The following POLH variants were observed in gnomAD, a reference collection of about 807,000 sequenced individuals.
POLH encodes the protein DNA polymerase eta transcript.
In POLH, 53 loss-of-function variants were observed where a neutral mutation model predicts 73.6. That is an observed-to-expected ratio of 0.72 (90% CI 0.58 to 0.91). The LOEUF (loss-of-function observed/expected upper bound fraction) is 0.91. Among genes scored for constraint, POLH ranks in the 40% least tolerant of loss-of-function variants. The probability of loss-of-function intolerance (pLI) is 0.00; values close to 1 mark genes in which losing one functional copy is unlikely to be tolerated. For missense variants in POLH, 768 were observed against 865.4 expected (o/e 0.89, Z 1.41); for synonymous variants, 292 against 308.5 (o/e 0.95, Z 0.56).
intron 1 of POLH, among the ~76,000 whole-genome samples, chr6:43,581,826 C>G (rs1344754213): frequency 1.3e-5 from 2 of 150,664 alleles, no homozygotes; most frequent in South Asian, 2.1e-4. Context: ...CCACCATGGC[C>G]GGACGGGCTC....
chr6:43,604,345 T>A (rs1767041887), intron 7 of POLH, among the ~76,000 whole-genome samples: 1 of 152,218 alleles, frequency 6.6e-6, no homozygotes, highest in Admixed American at 6.5e-5. Flanking sequence ...TTTTGGGATA[T>A]GAATCAGTGG....
At chr6:43,596,192 G>A (rs57833012) in intron 4 of POLH, among the ~76,000 whole-genome samples, 28,664 of 152,092 alleles carry the variant, frequency 0.19, 5,768 homozygotes, top group African/African-American at 0.51. Context: ...AGAGTTAAGG[G>A]GTAAGAGCTT....
At chr6:43,592,050 TTG>T (rs1171138798) in intron 4 of POLH, among the ~76,000 whole-genome samples, 1 of 152,184 alleles carries the variant, frequency 6.6e-6, no homozygotes, top group African/African-American at 2.4e-5. Context: ...TCTGTATGTC[TTG>T]TGTCTGTTGC....
chr6:43,597,619 A>C, intron 4 of POLH, 77 bp from the exon 5 acceptor site: 1 of 1,356,076 alleles, frequency 7.4e-7, no homozygotes, highest in Non-Finnish European at 1.0e-6. Context: ...CTGTAATCTA[A>C]GCATTTCTAC....
intron 4 of POLH, 95 bp from the exon 5 acceptor site, chr6:43,597,601 C>T: frequency 3.3e-6 from 4 of 1,210,710 alleles, no homozygotes; most frequent in Non-Finnish European, 4.8e-6. Context: ...ACTTATATGT[C>T]TAAATACCTG....
At chr6:43,582,926 A>G (rs1737458587) in intron 2 of POLH, 81 bp from the exon 3 acceptor site, 15 of 1,201,448 alleles carry the variant, frequency 1.2e-5, no homozygotes, top group Middle Eastern at 2.5e-4. Flanking sequence ...ATATGTTTAT[A>G]GATTACTTGT....
rs757516219 is a variant in POLH at position 43,582,442 on chromosome 6, A to G, written c.123A>G (p.Ser41=). ...CTTGTGCAGTTGTACAGTACAAATC[A>G]TGGAAGGGTGGTGGGTATGTATCAT... The part of the protein sequence containing the change: ...NKPCAVVQYK[S]WKGGGIIAVS... Residue 41 remains serine, a synonymous_variant, in exon 2 of 11, where the codon TCA becomes TCG. Coordinates refer to ENST00000372236, the MANE Select transcript of POLH (RefSeq NM_006502.3). 3 of 1,613,942 alleles carry G rather than the reference A, an allele frequency of 1.9e-6. No individual in the cohort carries two copies. The highest frequency in any genetic ancestry group is 2.5e-6 in the Non-Finnish European group (3 of 1,179,832).
chr6:43,600,260 A>G (rs530194082), intron 5 of POLH, among the ~76,000 whole-genome samples: 1 of 152,238 alleles, frequency 6.6e-6, no homozygotes, highest in South Asian at 2.1e-4. Context: ...TCTACCAAAA[A>G]TACAAAAATT....
chr6:43,599,953 G>A (rs1766542899), intron 5 of POLH, among the ~76,000 whole-genome samples: 1 of 151,986 alleles, frequency 6.6e-6, no homozygotes, highest in Non-Finnish European at 1.5e-5. Context: ...GAGGTTGGGA[G>A]TTCAAGACCA....
At position 43,576,291 on chromosome 6, in the gene POLH, CAG is replaced by C. The variant is rs376188104; in HGVS notation, c.-153_-152del. On this transcript the variant is annotated 5_prime_UTR_variant, in exon 1 of 11. Coordinates refer to ENST00000372236, the MANE Select transcript of POLH (RefSeq NM_006502.3). ...TCCCTTCTCGGTTTCTCCGTCGTCACAGGGAATAAATCTCGCTCGAAACTCAC... is the reference window on the plus strand; with the variant it reads ...TCCCTTCTCGGTTTCTCCGTCGTCACGGAATAAATCTCGCTCGAAACTCAC... The C allele has an allele frequency of 1.5e-4, 23 of 157,234 alleles. No homozygotes were observed. The highest frequency in any genetic ancestry group is 1.3e-3 in the East Asian group (7 of 5,360). 9.7% of individuals were successfully genotyped at this position (157,234 alleles called of 1,614,324 possible). A position where few individuals can be genotyped will look rare whatever the true frequency, so the allele number is the denominator to read the frequency against.
rs1768602307 is a variant in POLH, at chr6:43,619,926, T to G, written c.*5369T>G. ...CCACATAGGACTTTGGGTCACATAT[T>G]TCTTTTCCAGGGTCTCCTCAAAATG... On this transcript the variant is annotated 3_prime_UTR_variant, in exon 11 of 11. Transcript: ENST00000372236. Among the ~76,000 whole-genome samples the G allele has an allele frequency of 6.6e-6, 1 of 152,218 alleles. No homozygotes were observed. Among genetic ancestry groups the G allele is most frequent in the Non-Finnish European group, 1.5e-5 (1 of 68,050 alleles).
chr6:43,611,478 G>T (rs1435442255), intron 10 of POLH, among the ~76,000 whole-genome samples: 1 of 152,172 alleles, frequency 6.6e-6, no homozygotes, highest in Non-Finnish European at 1.5e-5. Context: ...TGAAATATAA[G>T]CCTCTTTTTG....
chr6:43,600,239 G>A (rs1047531792), intron 5 of POLH, among the ~76,000 whole-genome samples: 57 of 151,898 alleles, frequency 3.8e-4, no homozygotes, highest in Admixed American at 2.6e-3. Context: ...CCAACATGGT[G>A]AAACCCCGTA....
intron 1 of POLH, among the ~76,000 whole-genome samples, chr6:43,579,345 A>G (rs72859012): frequency 0.027 from 4,124 of 152,294 alleles, 73 homozygotes; most frequent in Non-Finnish European, 0.043. Context: ...TCCCCAGTCT[A>G]TTAGTATTAG....
intron 6 of POLH, 114 bp downstream of exon 6, chr6:43,601,205 G>T (rs568832442): frequency 1.3e-6 from 1 of 756,496 alleles, no homozygotes; most frequent in South Asian, 1.4e-5. Flanking sequence ...TACATACCAG[G>T]CAGTTAGAAG....
chr6:43,604,243 C>T (rs896691859), intron 7 of POLH, among the ~76,000 whole-genome samples: 2 of 152,120 alleles, frequency 1.3e-5, no homozygotes, highest in African/African-American at 4.8e-5. Context: ...ACTTTGATGC[C>T]TGAGTATATA....
intron 9 of POLH, 46 bp downstream of exon 9, chr6:43,605,365 A>C (rs373709805): frequency 1.1e-6 from 1 of 933,306 alleles, no homozygotes; most frequent in African/African-American, 1.6e-5. Context: ...TGCAATTTAC[A>C]TATCAGCTGC....
intron 3 of POLH, among the ~76,000 whole-genome samples, chr6:43,584,685 C>T (rs961440866): frequency 6.6e-6 from 1 of 152,162 alleles, no homozygotes; most frequent in African/African-American, 2.4e-5. Flanking sequence ...AAGAACACCC[C>T]CTCCTTCCTT....
Position 43,597,720 on chromosome 6 carries a change from T to C in POLH, c.515T>C (p.Phe172Ser). The stretch of plus-strand genomic sequence containing the variant: ...GAGGGGATGCGAAAACAAGGCTTAT[T>C]TCAATGGCTCGATTCTCTTCAGATT... ...QKEGMRKQGL[F>S]QWLDSLQIDN... The change falls in exon 5 of 11, where the codon TTT (phenylalanine) becomes TCT (serine). Residue 172 changes from phenylalanine to serine, a missense_variant. By Grantham distance (155) the Phe-to-Ser change is radical (BLOSUM62 -2). Coordinates refer to ENST00000372236, the MANE Select transcript of POLH (RefSeq NM_006502.3). 1 of 1,614,144 alleles carries C rather than the reference T, an allele frequency of 6.2e-7. No individual in the cohort carries two copies. The highest frequency in any genetic ancestry group is 8.5e-7 in the Non-Finnish European group (1 of 1,179,980).
Sources: gnomAD v4.1 joint callset for allele counts (sites outside exome capture counted in the v4.1 genomes callset) on GRCh38, gnomAD v4.1.1 for gene constraint, MANE v1.5 for transcripts, NCBI Gene and HGNC (gene_info 2026-07-23, HGNC 2026-07-21) for gene names.